RASAL2: variants seen among roughly 807,000 people sequenced by gnomAD.
RASAL2 encodes the protein RAS protein activator like 2.
In RASAL2, 58 loss-of-function variants were observed where a neutral mutation model predicts 128.9. The observed-to-expected ratio is 0.45, with a 90% confidence interval of 0.36 to 0.56. The LOEUF is 0.56. Ranked by LOEUF, RASAL2 falls within the 20% of genes least tolerant of loss-of-function variation. The pLI is 0.00. For synonymous variants in RASAL2, 561 were observed against 580.8 expected, an observed-to-expected ratio of 0.97 and a Z score of 0.49; for missense variants, 1,360 against 1,601.6, an observed-to-expected ratio of 0.85 and a Z score of 2.57.
At chr1:178,115,529 G>A (rs974469989) in intron 1 of RASAL2, among the ~76,000 whole-genome samples, 4 of 152,206 alleles carry the variant, frequency 2.6e-5, no homozygotes, top group Non-Finnish European at 4.4e-5. Flanking sequence ...TCCAGATGAA[G>A]GGGATAACAC....
intron 5 of RASAL2, among the ~76,000 whole-genome samples, chr1:178,431,967 A>G (rs1675940075): frequency 6.6e-6 from 1 of 150,430 alleles, no homozygotes; most frequent in Non-Finnish European, 1.5e-5. Flanking sequence ...ATATATGGGT[A>G]CCTTCGTATA....
At chr1:178,265,458 G>A (rs1039951880) in intron 1 of RASAL2, among the ~76,000 whole-genome samples, 2 of 152,104 alleles carry the variant, frequency 1.3e-5, no homozygotes, top group African/African-American at 4.8e-5. Flanking sequence ...ATTATTGTAT[G>A]CCAGTATGTG....
chr1:178,318,357 T>G (rs1390009060), intron 3 of RASAL2, among the ~76,000 whole-genome samples: 1 of 150,748 alleles, frequency 6.6e-6, no homozygotes, highest in Admixed American at 6.6e-5. Flanking sequence ...TTGTTGACTT[T>G]CTGTCTCGTT....
intron 5 of RASAL2, among the ~76,000 whole-genome samples, chr1:178,427,535 T>A (rs1375564621): frequency 6.6e-6 from 1 of 152,202 alleles, no homozygotes; most frequent in African/African-American, 2.4e-5. Flanking sequence ...GGTGGAATTA[T>A]GGAACAATAT....
intron 11 of RASAL2, among the ~76,000 whole-genome samples, chr1:178,454,196 TAA>T (rs56786408): frequency 6.1e-4 from 49 of 80,206 alleles, no homozygotes; most frequent in African/African-American, 9.9e-4. Context: ...ATCCCAGAAC[TAA>T]AAAAAAAAAA....
chr1:178,345,165 TTAA>T (rs1298632436), intron 3 of RASAL2, among the ~76,000 whole-genome samples: 2 of 152,208 alleles, frequency 1.3e-5, no homozygotes, highest in African/African-American at 4.8e-5. Context: ...GGAGATCCTG[TTAA>T]TAATACGACT....
At chr1:178,273,126 T>C (rs151122377) in intron 1 of RASAL2, among the ~76,000 whole-genome samples, 1 of 152,346 alleles carries the variant, frequency 6.6e-6, no homozygotes, top group African/African-American at 2.4e-5. Flanking sequence ...AGGATTGTAT[T>C]TCATGATTAT....
chr1:178,188,074 G>T (rs1662367152), intron 1 of RASAL2, among the ~76,000 whole-genome samples: 1 of 152,092 alleles, frequency 6.6e-6, no homozygotes, highest in Non-Finnish European at 1.5e-5. Context: ...AGTAAGTTAT[G>T]GAACTTTTCA....
intron 14 of RASAL2, among the ~76,000 whole-genome samples, chr1:178,462,693 C>T (rs1274580780): frequency 6.6e-6 from 1 of 151,822 alleles, no homozygotes; most frequent in Admixed American, 6.6e-5. Flanking sequence ...TTATTTTGAC[C>T]ACCTACTGTA....
At chr1:178,192,805 A>C (rs139387464) in intron 1 of RASAL2, among the ~76,000 whole-genome samples, 1 of 152,156 alleles carries the variant, frequency 6.6e-6, no homozygotes, top group Non-Finnish European at 1.5e-5. Context: ...TTTCCTTTGC[A>C]TTCTGTCTCC....
chr1:178,440,873 C>G (rs934521877), intron 6 of RASAL2, among the ~76,000 whole-genome samples: 3 of 152,016 alleles, frequency 2.0e-5, no homozygotes, highest in African/African-American at 7.2e-5. Context: ...CATTTAGCAC[C>G]CTTCTATAAT....
chr1:178,206,029 A>G (rs1205510906), intron 1 of RASAL2, among the ~76,000 whole-genome samples: 1 of 152,006 alleles, frequency 6.6e-6, no homozygotes, highest in Non-Finnish European at 1.5e-5. Context: ...TGACACTCTG[A>G]CTGTTCTTCA....
At chr1:178,137,870 A>C in intron 1 of RASAL2, among the ~76,000 whole-genome samples, 1 of 152,324 alleles carries the variant, frequency 6.6e-6, no homozygotes, top group Admixed American at 6.5e-5. Flanking sequence ...CTGTGGAAGA[A>C]TATATAAAGA....
At chr1:178,379,692 C>T (rs1672177641) in intron 3 of RASAL2, among the ~76,000 whole-genome samples, 1 of 152,072 alleles carries the variant, frequency 6.6e-6, no homozygotes, top group African/African-American at 2.4e-5. Context: ...ACATGGTTCC[C>T]TTAGAGTTTT....
intron 1 of RASAL2, among the ~76,000 whole-genome samples, chr1:178,182,882 G>T (rs570893076): frequency 6.6e-6 from 1 of 151,994 alleles, no homozygotes; most frequent in Non-Finnish European, 1.5e-5. Flanking sequence ...AAATGGTTTC[G>T]GGATCAAACT....
At chr1:178,193,251 A>T (rs1662549359) in intron 1 of RASAL2, among the ~76,000 whole-genome samples, 1 of 152,164 alleles carries the variant, frequency 6.6e-6, no homozygotes. Context: ...ATCTCCTAGC[A>T]GCATAATGCT....
intron 12 of RASAL2, 78 bp downstream of exon 12, chr1:178,454,726 C>T: frequency 3.2e-6 from 4 of 1,248,910 alleles, no homozygotes; most frequent in Non-Finnish European, 4.6e-6. Flanking sequence ...ATAGCACTCA[C>T]TCTTTCTGCT....
intron 1 of RASAL2, among the ~76,000 whole-genome samples, chr1:178,164,823 TTGTGTGTG>T (rs200932615): frequency 0.012 from 1,548 of 131,990 alleles, 22 homozygotes; most frequent in African/African-American, 0.034. Context: ...CATCAAACGT[TTGTGTGTG>T]TGTGTGTGTG....
chr1:178,269,786 G>A (rs1666159601), intron 1 of RASAL2, among the ~76,000 whole-genome samples: 1 of 152,216 alleles, frequency 6.6e-6, no homozygotes, highest in Non-Finnish European at 1.5e-5. Context: ...GGGCTGCTCT[G>A]TCTATGGAGT....
Sources: gnomAD v4.1 joint callset for allele counts (sites outside exome capture counted in the v4.1 genomes callset) on GRCh38, gnomAD v4.1.1 for gene constraint, MANE v1.5 for transcripts, NCBI Gene and HGNC (gene_info 2026-07-23, HGNC 2026-07-21) for gene names.